The following GMPS variants were observed in gnomAD, a reference collection of about 807,000 sequenced individuals.
GMPS encodes guanosine monophosphate synthase.
A neutral mutation model predicts 77.9 loss-of-function variants in GMPS; 15 were observed. That is an observed-to-expected ratio of 0.19 (90% CI 0.13 to 0.30). The LOEUF (loss-of-function observed/expected upper bound fraction) is 0.30. GMPS is among the 10% of genes least tolerant of loss of function. The pLI is 1.00. For missense variants in GMPS, 590 were observed against 838.8 expected (o/e 0.70, Z 3.66); for synonymous variants, 224 against 275.9 (o/e 0.81, Z 1.86).
intron 3 of GMPS, among the ~76,000 whole-genome samples, chr3:155,899,193 C>T (rs563850778): frequency 2.6e-5 from 4 of 152,028 alleles, no homozygotes; most frequent in Admixed American, 1.3e-4. Flanking sequence ...CATGGAGAAA[C>T]CCCCGTCTCT....
intron 1 of GMPS, among the ~76,000 whole-genome samples, chr3:155,877,986 C>A (rs1166602873): frequency 6.6e-6 from 1 of 152,096 alleles, no homozygotes; most frequent in Non-Finnish European, 1.5e-5. Flanking sequence ...GTTGACCAGG[C>A]TGGTCATGAG....
At chr3:155,931,691 A>AT in intron 12 of GMPS, 74 bp from the exon 13 acceptor site, 1 of 612,760 alleles carries the variant, frequency 1.6e-6, no homozygotes. Context: ...TTTAAAAAAA[A>AT]AAAAAAGCTT....
At chr3:155,909,319 G>GA (rs1313968624) in intron 5 of GMPS, among the ~76,000 whole-genome samples, 2 of 152,188 alleles carry the variant, frequency 1.3e-5, no homozygotes, top group Non-Finnish European at 2.9e-5. Context: ...AGTCAAGAAA[G>GA]AAACAGTATA....
rs774808587 is a variant in GMPS, at chr3:155,942,767, C to T, written c.*5075C>T. 5 of 223,882 alleles carry T rather than the reference C, an allele frequency of 2.2e-5. No homozygotes were observed. The highest frequency in any genetic ancestry group is 2.7e-5 in the Non-Finnish European group (3 of 112,358). The allele number at this position is 223,882 out of a possible 1,614,324, so 13.9% of individuals were successfully genotyped here. ...AAAGCCACCCCTGTGCTATAGCCAC[C>T]GCTCCAATTCTGACTCTAGCTAGGT... On this transcript the variant is annotated 3_prime_UTR_variant, in exon 16 of 16. Transcript: ENST00000496455.
At chr3:155,932,883 A>G (rs1240407031) in intron 13 of GMPS, among the ~76,000 whole-genome samples, 1 of 152,242 alleles carries the variant, frequency 6.6e-6, no homozygotes, top group Non-Finnish European at 1.5e-5. Flanking sequence ...GCTGAAAAAT[A>G]GAATTATTAC....
chr3:155,914,408 C>A lies in GMPS; in HGVS notation c.887-11C>A. ...TATACCAATTTAAAACGCTTCTCCC[C>A]TTTCCTCCAGTGATAAATGCTGCTC... is the stretch of plus-strand genomic sequence containing the variant. On this transcript the variant is annotated splice_polypyrimidine_tract_variant and intron_variant, in intron 7 of 15. Transcript: ENST00000496455. 1 of 1,520,822 alleles carries A rather than the reference C, an allele frequency of 6.6e-7. No homozygotes were observed. The highest frequency in any genetic ancestry group is 1.3e-5 in the South Asian group (1 of 76,586). The allele number at this position is 1,520,822 out of a possible 1,614,324, so 94.2% of individuals were successfully genotyped here. A position where few individuals can be genotyped will look rare whatever the true frequency, so the allele number is the denominator to read the frequency against.
intron 1 of GMPS, among the ~76,000 whole-genome samples, chr3:155,892,932 TAAA>T (rs2108072944): frequency 6.6e-6 from 1 of 152,288 alleles, no homozygotes; most frequent in Non-Finnish European, 1.5e-5. Context: ...GCGCCCGGCC[TAAA>T]AGGCCTTTTA....
At chr3:155,912,951 G>GCT (rs749969331) in intron 7 of GMPS, among the ~76,000 whole-genome samples, 3 of 152,220 alleles carry the variant, frequency 2.0e-5, no homozygotes, top group Non-Finnish European at 4.4e-5. Flanking sequence ...AGCAAACTGT[G>GCT]CTCTCCTTCC....
intron 3 of GMPS, among the ~76,000 whole-genome samples, chr3:155,902,055 G>A (rs1754748847): frequency 1.3e-5 from 2 of 152,182 alleles, no homozygotes; most frequent in South Asian, 4.1e-4. Flanking sequence ...GAGATGATCT[G>A]ATTAGGTGGT....
chr3:155,924,303 G>A (rs1467458717), intron 11 of GMPS, among the ~76,000 whole-genome samples: 1 of 152,192 alleles, frequency 6.6e-6, no homozygotes, highest in Non-Finnish European at 1.5e-5. Context: ...AACAAACATG[G>A]ACTGTATAAA....
At chr3:155,927,190 C>T (rs1755478329) in intron 12 of GMPS, among the ~76,000 whole-genome samples, 1 of 152,134 alleles carries the variant, frequency 6.6e-6, no homozygotes, top group Non-Finnish European at 1.5e-5. Context: ...CTTGGAGTTA[C>T]TGATACTTTC....
chr3:155,896,751 T>A lies in GMPS; in HGVS notation c.210-1176T>A, dbSNP rs7430851. Among the ~76,000 whole-genome samples the A allele has an allele frequency of 1.4e-3, 173 of 125,980 alleles. 2 individuals are homozygous for A. Among genetic ancestry groups the A allele is most frequent in the Middle Eastern group, 9.7e-3 (2 of 206 alleles). The allele number at this position is 125,980 out of a possible 152,430, so 82.6% of individuals were successfully genotyped here. A position where few individuals can be genotyped will look rare whatever the true frequency, so the allele number is the denominator to read the frequency against. ...GAGATTTTTTTTTTTTTTTTTTTTT[T>A]TATAAATTTGACTTATGTTGTATTG... On this transcript the variant is annotated intron_variant, in intron 2 of 15. Transcript: ENST00000496455.
intron 1 of GMPS, among the ~76,000 whole-genome samples, chr3:155,886,435 C>A (rs540778097): frequency 6.6e-6 from 1 of 151,140 alleles, no homozygotes; most frequent in African/African-American, 2.4e-5. Context: ...ATTAGCCGGG[C>A]GTGGTGGCAG....
intron 2 of GMPS, among the ~76,000 whole-genome samples, chr3:155,893,968 G>A (rs1314337160): frequency 1.3e-5 from 2 of 152,176 alleles, no homozygotes; most frequent in African/African-American, 4.8e-5. Flanking sequence ...AGATGTAGCT[G>A]TTGTGGCCAT....
chr3:155,883,815 C>G (rs138537968), intron 1 of GMPS, among the ~76,000 whole-genome samples: 2 of 152,206 alleles, frequency 1.3e-5, no homozygotes, highest in South Asian at 2.1e-4. Flanking sequence ...AACAGAACAA[C>G]TAATCAGACT....
At chr3:155,922,872 A>C (rs1339817776) in intron 11 of GMPS, among the ~76,000 whole-genome samples, 1 of 152,182 alleles carries the variant, frequency 6.6e-6, no homozygotes, top group Non-Finnish European at 1.5e-5. Flanking sequence ...ATTGCAACGA[A>C]ATAATTTTAA....
intron 1 of GMPS, 75 bp downstream of exon 1, chr3:155,870,972 G>T: frequency 7.5e-7 from 1 of 1,327,882 alleles, no homozygotes. Context: ...ACCCCGCGAG[G>T]CCCTTCCCCA....
rs369627644 is a variant in GMPS, at chr3:155,936,365, C to T, written c.1835C>T (p.Pro612Leu). 5.6e-5 allele frequency: 90 copies of T among 1,609,564 alleles called. No homozygotes were observed. Among genetic ancestry groups the T allele is most frequent in the Admixed American group, 1.0e-4 (6 of 59,980 alleles). ...SGYAGKISQM[P>L]VILTPLHFDR... ...TATGCTGGGAAAATCAGCCAGATGCCGGTGATTTTGACACCATTACATTTT... is the reference window on the plus strand; with the variant it reads ...TATGCTGGGAAAATCAGCCAGATGCTGGTGATTTTGACACCATTACATTTT... Residue 612 changes from proline to leucine, a missense_variant, in exon 15 of 16, where the codon CCG (proline) becomes CTG (leucine). Pro to Leu is a moderately conservative substitution (Grantham distance 98). Transcript: ENST00000496455.
rs1429797334 is a variant in GMPS at position 155,943,274 on chromosome 3, GTCTTT to G, written c.*5584_*5588del. 2 of 180,462 alleles carry G rather than the reference GTCTTT, an allele frequency of 1.1e-5. No individual in the cohort carries two copies. The highest frequency in any genetic ancestry group is 4.7e-5 in the African/African-American group (2 of 42,436). The allele number at this position is 180,462 out of a possible 1,614,324, so 11.2% of individuals were successfully genotyped here. On this transcript the variant is annotated 3_prime_UTR_variant, in exon 16 of 16. Transcript: ENST00000496455. ...TTTGTTCACTTTTGAACCCTGTGGT[GTCTTT>G]TAACTTTGTTAAGGGCCCTTGGTTA...
Sources: allele counts gnomAD v4.1 joint callset (sites outside exome capture counted in the v4.1 genomes callset), GRCh38; gene constraint gnomAD v4.1.1; transcripts MANE v1.5; gene names NCBI Gene and HGNC (gene_info 2026-07-23, HGNC 2026-07-21).